Variants in EXT1 observed in about 807,000 individuals in gnomAD.
EXT1 encodes exostosin glycosyltransferase 1.
EXT1 carries 20 observed loss-of-function variants against 82.5 expected under a neutral mutation model. The observed-to-expected ratio is 0.24, with a 90% CI of 0.17 to 0.35. The LOEUF is 0.35. Ranked by LOEUF, EXT1 falls within the 10% of genes least tolerant of loss-of-function variation. EXT1 has a pLI of 1.00. For missense variants in EXT1, 757 were observed against 936.5 expected, an observed-to-expected ratio of 0.81 and a Z score of 2.50; for synonymous variants, 348 against 350.8, an observed-to-expected ratio of 0.99 and a Z score of 0.09.
At chr8:117,967,329 T>C (rs895696793) in intron 1 of EXT1, among the ~76,000 whole-genome samples, 1 of 152,258 alleles carries the variant, frequency 6.6e-6, no homozygotes, top group African/African-American at 2.4e-5. Flanking sequence ...ACAAACTCCA[T>C]ACTTCTGTTC....
intron 1 of EXT1, among the ~76,000 whole-genome samples, chr8:118,096,681 AGGGAG>A (rs1817623918): frequency 2.5e-4 from 3 of 11,824 alleles, no homozygotes; most frequent in African/African-American, 9.3e-4. Flanking sequence ...GAAGGGAGGG[AGGGAG>A]GGAGGGAAGG....
At chr8:117,923,483 C>T (rs1429078463) in intron 1 of EXT1, among the ~76,000 whole-genome samples, 1 of 151,562 alleles carries the variant, frequency 6.6e-6, no homozygotes, top group African/African-American at 2.4e-5. Context: ...TTTGGGAGGC[C>T]AAGGCGGGCA....
At chr8:118,036,439 T>C (rs1816420014) in intron 1 of EXT1, among the ~76,000 whole-genome samples, 1 of 152,156 alleles carries the variant, frequency 6.6e-6, no homozygotes, top group African/African-American at 2.4e-5. Context: ...TTGCCTGGGA[T>C]AGTAAATCGC....
chr8:118,054,900 A>C (rs750195950), intron 1 of EXT1, among the ~76,000 whole-genome samples: 32 of 151,284 alleles, frequency 2.1e-4, no homozygotes, highest in Non-Finnish European at 4.1e-4. Flanking sequence ...TTTCTCTTTT[A>C]TTACTCCCAC....
chr8:118,101,449 A>C (rs1478895547), intron 1 of EXT1, among the ~76,000 whole-genome samples: 1 of 152,256 alleles, frequency 6.6e-6, no homozygotes, highest in East Asian at 1.9e-4. Context: ...CCAGAGGTCA[A>C]AGCGACCTGT....
intron 1 of EXT1, among the ~76,000 whole-genome samples, chr8:117,913,402 C>A (rs1315421916): frequency 1.3e-5 from 2 of 152,196 alleles, no homozygotes; most frequent in Non-Finnish European, 2.9e-5. Context: ...CAGGGTATCT[C>A]CTTCTGTTTT....
chr8:118,019,274 A>AGAAAGAAG (rs1554594304), intron 1 of EXT1, among the ~76,000 whole-genome samples: 4 of 149,326 alleles, frequency 2.7e-5, no homozygotes, highest in African/African-American at 1.0e-4. Context: ...AAAGAAAGAA[A>AGAAAGAAG]GAAAGAAAGA....
intron 1 of EXT1, among the ~76,000 whole-genome samples, chr8:117,923,436 G>A (rs6998406): frequency 2.8e-4 from 43 of 151,034 alleles, no homozygotes; most frequent in African/African-American, 8.3e-4. Flanking sequence ...TTAAAGAAGC[G>A]GCTGGGCACG....
chr8:117,838,937 T>C (rs1812229686), intron 1 of EXT1, among the ~76,000 whole-genome samples: 1 of 152,198 alleles, frequency 6.6e-6, no homozygotes, highest in Non-Finnish European at 1.5e-5. Context: ...TTCTCATCAT[T>C]AGCCTACTAA....
At chr8:118,015,984 C>A (rs1259812629) in intron 1 of EXT1, among the ~76,000 whole-genome samples, 2 of 152,210 alleles carry the variant, frequency 1.3e-5, no homozygotes, top group Non-Finnish European at 2.9e-5. Context: ...CTACCAGAAG[C>A]TACCAGAGGC....
chr8:118,068,502 A>AGT (rs1394169759), intron 1 of EXT1, among the ~76,000 whole-genome samples: 3 of 151,692 alleles, frequency 2.0e-5, no homozygotes, highest in East Asian at 1.9e-4. Flanking sequence ...GACAGGCCCC[A>AGT]GTGTGTGTGT....
At chr8:117,856,677 T>C (rs1315385213) in intron 1 of EXT1, among the ~76,000 whole-genome samples, 2 of 152,132 alleles carry the variant, frequency 1.3e-5, no homozygotes, top group African/African-American at 4.8e-5. Context: ...CATTTCCATA[T>C]CATAATAGCG....
intron 1 of EXT1, among the ~76,000 whole-genome samples, chr8:118,066,913 A>G (rs185192288): frequency 1.6e-4 from 25 of 152,350 alleles, no homozygotes; most frequent in Non-Finnish European, 2.2e-4. Context: ...TTTTTAAAAA[A>G]TTAAAAGCTA....
chr8:117,845,568 AT>A (rs57822787), intron 1 of EXT1, among the ~76,000 whole-genome samples: 24,590 of 128,246 alleles, frequency 0.19, 2,412 homozygotes, highest in East Asian at 0.44. Context: ...AAAAAAAAAA[AT>A]AAATAAAAGA....
rs1699453616 is a variant in EXT1 at position 117,813,038 on chromosome 8, T to C, written c.1633-77A>G. 4.3e-6 allele frequency: 5 copies of C among 1,175,570 alleles called. No homozygotes were observed. The South Asian group carries it at 5.2e-5, about 12-fold the overall frequency. The allele number at this position is 1,175,570 out of a possible 1,614,324, so 72.8% of individuals were successfully genotyped here. The stretch of plus-strand genomic sequence containing the variant: ...CTTCAGAGTCTTGTTTTCAGGACAA[T>C]TCTCCCATCCTCACCTGCATAAAGA... On this transcript the variant is annotated intron_variant, in intron 7 of 10. Coordinates refer to ENST00000378204, the MANE Select transcript of EXT1 (RefSeq NM_000127.3).
At chr8:117,885,926 G>A (rs993258509) in intron 1 of EXT1, among the ~76,000 whole-genome samples, 1 of 152,184 alleles carries the variant, frequency 6.6e-6, no homozygotes. Context: ...TCAAGGGCTG[G>A]CAGGAGATCC....
intron 1 of EXT1, among the ~76,000 whole-genome samples, chr8:117,993,350 C>T (rs1394713540): frequency 6.6e-6 from 1 of 152,212 alleles, no homozygotes; most frequent in African/African-American, 2.4e-5. Context: ...AAGAACTAAA[C>T]TTGACACAAG....
chr8:118,010,300 A>T (rs1183844509), intron 1 of EXT1, among the ~76,000 whole-genome samples: 1 of 149,288 alleles, frequency 6.7e-6, no homozygotes, highest in Admixed American at 6.7e-5. Context: ...TGATCCCGGG[A>T]GACGGAGCTT....
Position 117,976,406 on chromosome 8 carries a change from C to G in EXT1, c.962+133679G>C, listed in dbSNP as rs77209280. Among the ~76,000 whole-genome samples, 1,155 of 152,322 alleles carry G rather than the reference C, an allele frequency of 7.6e-3. 16 individuals are homozygous for G. Among genetic ancestry groups the G allele is most frequent in the African/African-American group, 0.026 (1,061 of 41,568 alleles). On this transcript the variant is annotated intron_variant, in intron 1 of 10. Coordinates refer to ENST00000378204, the MANE Select transcript of EXT1 (RefSeq NM_000127.3). ...CCACAGTAGAACGTGTAAACACACT[C>G]TGGCATATTCATAAAACGAATACTG...
Sources: gnomAD v4.1 joint callset for allele counts (sites outside exome capture counted in the v4.1 genomes callset) on GRCh38, gnomAD v4.1.1 for gene constraint, MANE v1.5 for transcripts, NCBI Gene and HGNC (gene_info 2026-07-23, HGNC 2026-07-21) for gene names.